GMDS: variants seen among roughly 807,000 people sequenced by gnomAD.
The protein encoded by GMDS is GDP-mannose 4,6 dehydratase.
GMDS carries 20 observed loss-of-function variants against 49.9 expected under a neutral mutation model. The observed-to-expected ratio is 0.40, with a 90% CI of 0.28 to 0.58. The LOEUF (loss-of-function observed/expected upper bound fraction) is 0.58. GMDS is among the 20% of genes least tolerant of loss of function. The pLI is 0.42. For synonymous variants in GMDS, 177 were observed against 178.6 expected (o/e 0.99, Z 0.07); for missense variants, 362 against 481.4 (o/e 0.75, Z 2.32).
At chr6:2,152,033 C>G (rs185664131) in intron 1 of GMDS, among the ~76,000 whole-genome samples, 132 of 152,238 alleles carry the variant, frequency 8.7e-4, no homozygotes, top group Non-Finnish European at 1.5e-3. Context: ...GAAAGTCCAT[C>G]ATAGTTGAAG....
chr6:1,840,760 T>C (rs968614424), intron 7 of GMDS, among the ~76,000 whole-genome samples: 1 of 152,160 alleles, frequency 6.6e-6, no homozygotes, highest in Admixed American at 6.5e-5. Flanking sequence ...AAAACTGGCA[T>C]GTGACTCTGC....
chr6:1,773,573 T>C (rs1287506484), intron 7 of GMDS, among the ~76,000 whole-genome samples: 2 of 152,182 alleles, frequency 1.3e-5, no homozygotes, highest in Non-Finnish European at 2.9e-5. Context: ...GTGTGACAGC[T>C]TCACAGTGGG....
intron 9 of GMDS, among the ~76,000 whole-genome samples, chr6:1,654,592 G>T (rs1763813452): frequency 6.6e-6 from 1 of 152,212 alleles, no homozygotes; most frequent in Non-Finnish European, 1.5e-5. Flanking sequence ...AATGGTGGTT[G>T]CCAGAGCTTG....
intron 6 of GMDS, among the ~76,000 whole-genome samples, chr6:1,933,531 T>G (rs1762389399): frequency 6.6e-6 from 1 of 152,188 alleles, no homozygotes; most frequent in African/African-American, 2.4e-5. Context: ...CCCCAGTACT[T>G]GTTATGGTCT....
intron 7 of GMDS, among the ~76,000 whole-genome samples, chr6:1,781,787 G>A (rs773097629): frequency 3.3e-5 from 5 of 152,012 alleles, no homozygotes; most frequent in African/African-American, 7.3e-5. Context: ...ATGGTCATGG[G>A]GGCCTTTGTA....
At chr6:1,657,990 C>A (rs891000915) in intron 9 of GMDS, among the ~76,000 whole-genome samples, 3 of 152,214 alleles carry the variant, frequency 2.0e-5, no homozygotes, top group Non-Finnish European at 4.4e-5. Flanking sequence ...TTGCGTAGCG[C>A]CGGGGTCTGG....
chr6:1,941,990 G>A lies in GMDS; in HGVS notation c.644-11760C>T, dbSNP rs190167171. The stretch of plus-strand genomic sequence containing the variant: ...CTGCTCCTACGCCGTGAACTGAGTC[G>A]GAGGGAGAACCTTCGCACACCTATG... On this transcript the variant is annotated intron_variant, in intron 6 of 10. Transcript: ENST00000380815. Among the ~76,000 whole-genome samples the A allele has an allele frequency of 1.3e-3, 198 of 152,246 alleles. 2 individuals are homozygous for A. Among genetic ancestry groups the A allele is most frequent in the Non-Finnish European group, 2.5e-3 (167 of 68,010 alleles).
At chr6:2,081,515 C>A (rs1427505810) in intron 4 of GMDS, among the ~76,000 whole-genome samples, 2 of 152,148 alleles carry the variant, frequency 1.3e-5, no homozygotes, top group African/African-American at 4.8e-5. Context: ...CCTTCCATCA[C>A]CTCATCATTT....
chr6:1,674,793 G>A (rs1208271083), intron 9 of GMDS, among the ~76,000 whole-genome samples: 2 of 151,180 alleles, frequency 1.3e-5, no homozygotes, highest in Admixed American at 6.6e-5. Flanking sequence ...CAAGCAATCT[G>A]CCTGCCTTGG....
chr6:1,775,710 C>T (rs1467707287), intron 7 of GMDS, among the ~76,000 whole-genome samples: 1 of 152,160 alleles, frequency 6.6e-6, no homozygotes, highest in African/African-American at 2.4e-5. Flanking sequence ...CTGTGAAATG[C>T]AATGAAAGTT....
At chr6:1,892,496 T>G (rs1338125231) in intron 7 of GMDS, among the ~76,000 whole-genome samples, 1 of 152,102 alleles carries the variant, frequency 6.6e-6, no homozygotes, top group Non-Finnish European at 1.5e-5. Context: ...AGTAGCAGGA[T>G]TACAGGTGCA....
chr6:1,858,742 A>G (rs1319116220), intron 7 of GMDS, among the ~76,000 whole-genome samples: 2 of 152,078 alleles, frequency 1.3e-5, no homozygotes, highest in African/African-American at 2.4e-5. Flanking sequence ...ACACTTTAAC[A>G]TTTCTATAGA....
At chr6:2,003,231 A>G (rs917780201) in intron 4 of GMDS, among the ~76,000 whole-genome samples, 2 of 152,190 alleles carry the variant, frequency 1.3e-5, no homozygotes, top group Admixed American at 1.3e-4. Context: ...GATAACGAGC[A>G]GGAGGATGAT....
chr6:2,156,211 A>G (rs1283339516), intron 1 of GMDS, among the ~76,000 whole-genome samples: 1 of 152,150 alleles, frequency 6.6e-6, no homozygotes, highest in African/African-American at 2.4e-5. Context: ...TGGTTCTCCC[A>G]TATTTGTTTG....
chr6:1,684,213 T>C (rs62388276), intron 9 of GMDS, among the ~76,000 whole-genome samples: 53,898 of 152,026 alleles, frequency 0.35, 9,850 homozygotes, highest in East Asian at 0.49. Flanking sequence ...TGAAGTCGTA[T>C]GGAAACACCA....
intron 7 of GMDS, among the ~76,000 whole-genome samples, chr6:1,795,939 T>C (rs532852641): frequency 5.2e-4 from 79 of 152,278 alleles, no homozygotes; most frequent in Middle Eastern, 3.4e-3. Flanking sequence ...AGGCCAGAGA[T>C]GGGGGGAAGG....
intron 4 of GMDS, among the ~76,000 whole-genome samples, chr6:2,086,372 T>C (rs180925192): frequency 3.9e-5 from 6 of 152,310 alleles, no homozygotes; most frequent in East Asian, 1.9e-4. Context: ...TCTTACACAA[T>C]AGAAAATTGT....
intron 7 of GMDS, among the ~76,000 whole-genome samples, chr6:1,753,120 G>A (rs1158031113): frequency 6.6e-6 from 1 of 152,210 alleles, no homozygotes; most frequent in Non-Finnish European, 1.5e-5. Context: ...ACCCATCGGT[G>A]TGCTGTATTC....
intron 4 of GMDS, among the ~76,000 whole-genome samples, chr6:2,111,137 G>A (rs901267822): frequency 3.9e-5 from 6 of 152,070 alleles, no homozygotes; most frequent in East Asian, 1.9e-4. Context: ...TCGAAAATCC[G>A]GACAGCAATT....
Sources: allele counts gnomAD v4.1 joint callset (sites outside exome capture counted in the v4.1 genomes callset), GRCh38; gene constraint gnomAD v4.1.1; transcripts MANE v1.5; gene names NCBI Gene and HGNC (gene_info 2026-07-23, HGNC 2026-07-21).